The following H3-3A variants were observed in gnomAD, a reference collection of about 807,000 sequenced individuals.
H3-3A encodes the protein H3.3 histone A.
For synonymous variants in H3-3A, 49 were observed against 61.4 expected, an observed-to-expected ratio of 0.80 and a Z score of 0.95; for missense variants, 7 against 184.0, an observed-to-expected ratio of 0.04 and a Z score of 5.57.
chr1:226,063,378 C>T (rs997181042), intron 1 of H3-3A, among the ~76,000 whole-genome samples: 5 of 151,726 alleles, frequency 3.3e-5, no homozygotes, highest in South Asian at 2.1e-4. Flanking sequence ...ACGTTTTTTT[C>T]CCTTTTTTGG....
At chr1:226,061,836 T>C (rs1213876116), upstream of H3-3A, 2 of 151,770 alleles carry the variant, frequency 1.3e-5, no homozygotes, top group Admixed American at 6.6e-5. Context: ...GCTCCACACA[T>C]TGTTTAGAGG....
At chr1:226,064,243 A>G in intron 1 of H3-3A, 86 bp from the exon 2 acceptor site, 1 of 908,460 alleles carries the variant, frequency 1.1e-6, no homozygotes, top group Non-Finnish European at 1.7e-6. Context: ...CATAATTTCC[A>G]GATTTGGGGA....
At position 226,070,201 on chromosome 1, in the gene H3-3A, G is replaced by T. The variant is rs554738417; in HGVS notation, c.283-1150G>T. Among the ~76,000 whole-genome samples, 5 of 152,296 alleles carry T rather than the reference G, an allele frequency of 3.3e-5. No homozygotes were observed. The South Asian group carries it at 8.3e-4, about 25-fold the overall frequency. On this transcript the variant is annotated intron_variant, in intron 3 of 3. Transcript: ENST00000366815. ...AAGTATATAAATAAGGAACTGCCAG[G>T]CCAGTTGCGGTGGCTCACTCCTGTA...
chr1:226,070,018 A>T (rs983583650), intron 3 of H3-3A, among the ~76,000 whole-genome samples: 1 of 152,160 alleles, frequency 6.6e-6, no homozygotes, highest in Non-Finnish European at 1.5e-5. Context: ...TTTAAGTGGT[A>T]GTAGGAATAA....
At chr1:226,068,127 TAGG>T (rs1657986461) in intron 3 of H3-3A, among the ~76,000 whole-genome samples, 1 of 152,218 alleles carries the variant, frequency 6.6e-6, no homozygotes, top group African/African-American at 2.4e-5. Flanking sequence ...ATTAATTCAT[TAGG>T]TCATAAATTA....
At chr1:226,063,317 C>T (rs541754462) in intron 1 of H3-3A, among the ~76,000 whole-genome samples, 4 of 152,102 alleles carry the variant, frequency 2.6e-5, no homozygotes, top group Non-Finnish European at 5.9e-5. Flanking sequence ...ATATTTTTTC[C>T]CCCGTTTCTC....
At chr1:226,067,544 G>C (rs1283146475) in intron 3 of H3-3A, among the ~76,000 whole-genome samples, 1 of 152,134 alleles carries the variant, frequency 6.6e-6, no homozygotes, top group Non-Finnish European at 1.5e-5. Flanking sequence ...TTCCAGACCA[G>C]CGTGGCCAAC....
intron 1 of H3-3A, 93 bp from the exon 2 acceptor site, chr1:226,064,236 A>G (rs1206500221): frequency 1.2e-6 from 1 of 861,690 alleles, no homozygotes; most frequent in Non-Finnish European, 1.9e-6. Context: ...TACTGATCAT[A>G]ATTTCCAGAT....
intron 1 of H3-3A, among the ~76,000 whole-genome samples, chr1:226,063,148 C>T (rs903094175): frequency 6.6e-6 from 1 of 151,598 alleles, no homozygotes; most frequent in Admixed American, 6.6e-5. Flanking sequence ...CCCGCGCGGG[C>T]CTCTTAACTA....
At chr1:226,068,210 T>C (rs1265426378) in intron 3 of H3-3A, among the ~76,000 whole-genome samples, 3 of 152,338 alleles carry the variant, frequency 2.0e-5, no homozygotes, top group Middle Eastern at 3.4e-3. Context: ...GTAATAAAAT[T>C]GGAAATGTAT....
rs1658132078 is a variant in H3-3A, at chr1:226,071,607, G to C, written c.*128G>C. The C allele has an allele frequency of 4.3e-6, 2 of 466,576 alleles. No homozygotes were observed. Among genetic ancestry groups the C allele is most frequent in the African/African-American group, 2.2e-5 (1 of 44,492 alleles). The allele number at this position is 466,576 out of a possible 1,614,324, so 28.9% of individuals were successfully genotyped here. ...GGGGTCAAAAGGTACCTAAGTATAT[G>C]ATTGCGAGTGGAAAAATAGGGGACA... On this transcript the variant is annotated 3_prime_UTR_variant, in exon 4 of 4. Transcript: ENST00000366815.
rs140655950 is a variant in H3-3A at position 226,064,551 on chromosome 1, G to T, written c.128+72G>T. 9,731 of 1,304,272 alleles carry T rather than the reference G, an allele frequency of 7.5e-3. 110 individuals are homozygous for T. Among genetic ancestry groups the T allele is most frequent in the South Asian group, 0.037 (2,747 of 73,528 alleles). 80.8% of individuals were successfully genotyped at this position (1,304,272 alleles called of 1,614,324 possible). A position where few individuals can be genotyped will look rare whatever the true frequency, so the allele number is the denominator to read the frequency against. On this transcript the variant is annotated intron_variant, in intron 2 of 3. Transcript: ENST00000366815. ...ATCCACATAATTTAACAAAAAGATG[G>T]ATAACAGGAAAACTTTTTGCTTTAG...
At chr1:226,067,187 T>G (rs1419290350) in intron 3 of H3-3A, 1 of 152,362 alleles carries the variant, frequency 6.6e-6, no homozygotes, top group Non-Finnish European at 1.5e-5. Flanking sequence ...ATGTCAATAA[T>G]GTAGCCTTTT....
intron 3 of H3-3A, among the ~76,000 whole-genome samples, chr1:226,069,999 A>G (rs1658053197): frequency 6.6e-6 from 1 of 152,186 alleles, no homozygotes; most frequent in Non-Finnish European, 1.5e-5. Context: ...TGATTCATAC[A>G]CTGTCATTTT....
intron 3 of H3-3A, chr1:226,066,076 A>G: frequency 2.0e-6 from 1 of 492,734 alleles, no homozygotes. Context: ...TGCACTAAAA[A>G]CAATATTTAA....
At chr1:226,065,617 T>G in intron 2 of H3-3A, 39 bp from the exon 3 acceptor site, 1 of 1,481,166 alleles carries the variant, frequency 6.8e-7, no homozygotes, top group Non-Finnish European at 9.1e-7. Flanking sequence ...TTGTGCTAGT[T>G]ATGTTTTTGG....
Position 226,068,258 on chromosome 1 carries a change from C to G in H3-3A, c.282+2449C>G, listed in dbSNP as rs1657990302. Among the ~76,000 whole-genome samples, 2 of 152,136 alleles carry G rather than the reference C, an allele frequency of 1.3e-5. 1 individual carries two copies. Among genetic ancestry groups the G allele is most frequent in the South Asian group, 4.1e-4 (2 of 4,830 alleles). On this transcript the variant is annotated intron_variant, in intron 3 of 3. Coordinates refer to ENST00000366815, the MANE Select transcript of H3-3A (RefSeq NM_002107.7). Reference sequence around the variant, plus strand: ...GATCCTCTCGTAGGAGTTCAGTCTCCTCTCAGAGCTGACCAGACACAATCC... The same window carrying G: ...GATCCTCTCGTAGGAGTTCAGTCTCGTCTCAGAGCTGACCAGACACAATCC...
chr1:226,070,761 A>G (rs1658090015), intron 3 of H3-3A, among the ~76,000 whole-genome samples: 1 of 121,212 alleles, frequency 8.3e-6, no homozygotes, highest in Non-Finnish European at 1.7e-5. Context: ...CGACAGAGTA[A>G]GACTCCATCT....
In H3-3A at chr1:226,071,827, A is replaced by C; in HGVS notation, c.*348A>C. On this transcript the variant is annotated 3_prime_UTR_variant, in exon 4 of 4. Coordinates refer to ENST00000366815, the MANE Select transcript of H3-3A (RefSeq NM_002107.7). Reference sequence around the variant, plus strand: ...GCATTTGGATTTTTTTAAAACAAGTAAATTTCTTATTGATGGCAACTAAAT... The same window carrying C: ...GCATTTGGATTTTTTTAAAACAAGTCAATTTCTTATTGATGGCAACTAAAT... 2 of 212,682 alleles carry C rather than the reference A, an allele frequency of 9.4e-6. No individual in the cohort carries two copies. The highest frequency in any genetic ancestry group is 1.8e-5 in the Non-Finnish European group (2 of 109,094). 13.2% of individuals were successfully genotyped at this position (212,682 alleles called of 1,614,324 possible). A position where few individuals can be genotyped will look rare whatever the true frequency, so the allele number is the denominator to read the frequency against.
Sources: gnomAD v4.1 joint callset for allele counts (sites outside exome capture counted in the v4.1 genomes callset) on GRCh38, gnomAD v4.1.1 for gene constraint, MANE v1.5 for transcripts, NCBI Gene and HGNC (gene_info 2026-07-23, HGNC 2026-07-21) for gene names.